Variants in EXTL3 observed in about 807,000 individuals in gnomAD.
The protein encoded by EXTL3 is exostosin like glycosyltransferase 3, also known as exostosin-like 3.
In EXTL3, 27 loss-of-function variants were observed where a neutral mutation model predicts 69.3. The observed-to-expected ratio is 0.39, with a 90% CI of 0.29 to 0.54. EXTL3 has a LOEUF of 0.54. Ranked by LOEUF, EXTL3 falls within the 20% of genes least tolerant of loss-of-function variation. The pLI is 0.69. For synonymous variants in EXTL3, 511 were observed against 499.4 expected (o/e 1.02, Z -0.31); for missense variants, 1,003 against 1,231.8 (o/e 0.81, Z 2.78).
At chr8:28,718,927 A>G (rs1563216544) in intron 3 of EXTL3, among the ~76,000 whole-genome samples, 1 of 152,204 alleles carries the variant, frequency 6.6e-6, no homozygotes, top group Non-Finnish European at 1.5e-5. Flanking sequence ...TATGCAGGAC[A>G]GGGCTTTAGT....
chr8:28,689,426 T>C (rs759560916), intron 1 of EXTL3, among the ~76,000 whole-genome samples: 2 of 152,208 alleles, frequency 1.3e-5, no homozygotes, highest in Non-Finnish European at 2.9e-5. Context: ...CCCCATGTTT[T>C]TGGATTTTAA....
In EXTL3 at chr8:28,658,922, G is replaced by C. The variant is rs74301317; in HGVS notation, c.-53+36112G>C. ...ATACCTTCGAAATATTCCATCGTATGTATGTAGCACAATGTATTTCATCAG... is the reference window on the plus strand; with the variant it reads ...ATACCTTCGAAATATTCCATCGTATCTATGTAGCACAATGTATTTCATCAG... On this transcript the variant is annotated intron_variant, in intron 1 of 6. Transcript: ENST00000523149. 2.4e-4 allele frequency among the ~76,000 whole-genome samples: 37 copies of C among 152,286 alleles called. No homozygotes were observed. In the East Asian group the frequency reaches 5.6e-3, roughly 23 times the overall value.
chr8:28,618,949 G>A (rs575739972), upstream of EXTL3, among the ~76,000 whole-genome samples: 31 of 151,338 alleles, frequency 2.0e-4, no homozygotes, highest in East Asian at 1.4e-3. Flanking sequence ...AAAATTAGCC[G>A]GGCGTGGCAG....
intron 1 of EXTL3, among the ~76,000 whole-genome samples, chr8:28,661,006 C>T (rs747264131): frequency 1.1e-4 from 16 of 150,942 alleles, no homozygotes; most frequent in South Asian, 4.2e-4. Flanking sequence ...CTCCGCCTCC[C>T]GGGTTCACGC....
At chr8:28,639,686 G>T (rs1476406604) in intron 1 of EXTL3, among the ~76,000 whole-genome samples, 2 of 152,108 alleles carry the variant, frequency 1.3e-5, no homozygotes. Context: ...GCTGCTTTTT[G>T]GGTTGCAAGT....
chr8:28,731,498 G>A (rs1423338877), intron 4 of EXTL3, 148 bp downstream of exon 4: 32 of 801,260 alleles, frequency 4.0e-5, no homozygotes, highest in East Asian at 8.0e-5. Context: ...ATGCAGGCTC[G>A]TAGATGGCGT....
At chr8:28,608,021 A>G (rs1457386936) in intron 2 of EXTL3, among the ~76,000 whole-genome samples, 6 of 151,660 alleles carry the variant, frequency 4.0e-5, no homozygotes, top group African/African-American at 1.5e-4. Flanking sequence ...GAGGCAGGAG[A>G]ATGGTGTGAA....
chr8:28,685,404 C>T (rs895190828), intron 1 of EXTL3, among the ~76,000 whole-genome samples: 1 of 151,974 alleles, frequency 6.6e-6, no homozygotes, highest in East Asian at 1.9e-4. Context: ...CTTCCTCCCC[C>T]CTCCCCTTCT....
chr8:28,679,692 C>T (rs181251906), intron 1 of EXTL3, among the ~76,000 whole-genome samples: 1 of 150,592 alleles, frequency 6.6e-6, no homozygotes, highest in African/African-American at 2.4e-5. Context: ...CACTGCATTC[C>T]AGCTTGAGTG....
intron 1 of EXTL3, among the ~76,000 whole-genome samples, chr8:28,665,784 C>G (rs1161006527): frequency 6.6e-6 from 1 of 152,144 alleles, no homozygotes; most frequent in Non-Finnish European, 1.5e-5. Flanking sequence ...ACCTTAATTA[C>G]CAAGTACGCT....
At chr8:28,729,435 A>C (rs947483257) in intron 3 of EXTL3, among the ~76,000 whole-genome samples, 3 of 151,228 alleles carry the variant, frequency 2.0e-5, no homozygotes, top group African/African-American at 7.3e-5. Flanking sequence ...TCTCTACTAA[A>C]AATGCAAAAA....
intron 1 of EXTL3, among the ~76,000 whole-genome samples, chr8:28,701,953 C>CT (rs1371122917): frequency 6.6e-6 from 1 of 152,136 alleles, no homozygotes; most frequent in Non-Finnish European, 1.5e-5. Context: ...CACACGCCCT[C>CT]TCTCGTCCCA....
intron 5 of EXTL3, among the ~76,000 whole-genome samples, chr8:28,738,579 C>A (rs1801703186): frequency 6.6e-6 from 1 of 152,136 alleles, no homozygotes; most frequent in Non-Finnish European, 1.5e-5. Flanking sequence ...GTTCCCGGGC[C>A]CTGAGGAGTC....
chr8:28,634,692 T>C (rs913511385), intron 1 of EXTL3, among the ~76,000 whole-genome samples: 3 of 151,822 alleles, frequency 2.0e-5, no homozygotes, highest in Non-Finnish European at 4.4e-5. Context: ...ACCCCCGGGT[T>C]CAAGTGATTA....
intron 5 of EXTL3, chr8:28,740,155 A>G (rs957603123): frequency 2.0e-5 from 3 of 152,258 alleles, no homozygotes; most frequent in African/African-American, 7.2e-5. Flanking sequence ...CTGAGCTGCA[A>G]TACAAATGAA....
At position 28,638,814 on chromosome 8, in the gene EXTL3, A is replaced by G. The variant is rs192513047; in HGVS notation, c.-53+16004A>G. On this transcript the variant is annotated intron_variant, in intron 1 of 6. Coordinates refer to the EXTL3 transcript ENST00000523149. ...GGCTGGCTAATTTTGTATTTTTAGTACAGACGGGGTCTCACTATGTTTGCC... is the reference window on the plus strand; with the variant it reads ...GGCTGGCTAATTTTGTATTTTTAGTGCAGACGGGGTCTCACTATGTTTGCC... Among the ~76,000 whole-genome samples the G allele has an allele frequency of 8.7e-4, 132 of 152,112 alleles. 1 individual carries two copies. In the East Asian group the frequency reaches 0.019, roughly 21 times the overall value.
intron 5 of EXTL3, chr8:28,741,371 C>T (rs919382143): frequency 2.0e-5 from 3 of 152,124 alleles, no homozygotes; most frequent in Admixed American, 6.5e-5. Context: ...CATCAGCATA[C>T]GAAGGACAGT....
At chr8:28,696,005 C>A (rs1020448731) in intron 1 of EXTL3, among the ~76,000 whole-genome samples, 5 of 152,108 alleles carry the variant, frequency 3.3e-5, no homozygotes, top group Admixed American at 6.6e-5. Context: ...GCAGCCTCAA[C>A]CTCCTGGCTC....
chr8:28,661,884 CA>C (rs915856534), intron 1 of EXTL3, among the ~76,000 whole-genome samples: 11 of 141,566 alleles, frequency 7.8e-5, no homozygotes, highest in African/African-American at 1.6e-4. Flanking sequence ...AACTCCTTCT[CA>C]AAAAAAAAAT....
Sources: gnomAD v4.1 joint callset for allele counts (sites outside exome capture counted in the v4.1 genomes callset) on GRCh38, gnomAD v4.1.1 for gene constraint, MANE v1.5 for transcripts, NCBI Gene and HGNC (gene_info 2026-07-23, HGNC 2026-07-21) for gene names.